CHST9: variants seen among roughly 807,000 people sequenced by gnomAD.
The protein encoded by CHST9 is GalNAc-4-sulfotransferase 2.
CHST9 carries 41 observed loss-of-function variants against 44.4 expected under a neutral mutation model. That is an observed-to-expected ratio of 0.92 (90% CI 0.72 to 1.20). The LOEUF (loss-of-function observed/expected upper bound fraction) is 1.20, where lower values mean the gene tolerates loss of function less well. CHST9 is among the 50% of genes most tolerant of loss of function. The probability of loss-of-function intolerance (pLI) is 0.00; values close to 1 mark genes in which losing one functional copy is unlikely to be tolerated. For missense variants in CHST9, 504 were observed against 516.5 expected (o/e 0.98, Z 0.23); for synonymous variants, 171 against 178.4 (o/e 0.96, Z 0.33).
At chr18:27,026,534 T>C (rs2057287088) in intron 3 of CHST9, among the ~76,000 whole-genome samples, 2 of 152,218 alleles carry the variant, frequency 1.3e-5, no homozygotes, top group South Asian at 2.1e-4. Context: ...AATAGTAATA[T>C]AGTATATAGC....
chr18:27,158,261 C>A (rs564016029), intron 1 of CHST9, among the ~76,000 whole-genome samples: 5 of 151,778 alleles, frequency 3.3e-5, no homozygotes, highest in Admixed American at 6.6e-5. Context: ...CCCTTCCCCC[C>A]ACCCCACAAC....
chr18:27,018,840 GA>G (rs1168406961), intron 4 of CHST9, among the ~76,000 whole-genome samples: 1 of 152,176 alleles, frequency 6.6e-6, no homozygotes, highest in Admixed American at 6.5e-5. Flanking sequence ...GCAGGAGAGA[GA>G]GCAGGAGAAT....
intron 2 of CHST9, among the ~76,000 whole-genome samples, chr18:27,053,909 A>G (rs1479488139): frequency 6.6e-6 from 1 of 151,428 alleles, no homozygotes; most frequent in Admixed American, 6.6e-5. Flanking sequence ...AGCTCCCCAA[A>G]CTCTCCATGC....
chr18:26,920,233 G>T (rs1157555699), intron 5 of CHST9, among the ~76,000 whole-genome samples: 3 of 152,098 alleles, frequency 2.0e-5, no homozygotes, highest in South Asian at 2.1e-4. Context: ...GACCACTCTT[G>T]TCTCACCTTC....
chr18:26,930,124 G>T (rs574863312), intron 5 of CHST9, among the ~76,000 whole-genome samples: 1 of 152,304 alleles, frequency 6.6e-6, no homozygotes, highest in South Asian at 2.1e-4. Flanking sequence ...TGACAACTCA[G>T]CTATACTTAA....
chr18:26,954,768 A>T (rs1020444501), intron 4 of CHST9, among the ~76,000 whole-genome samples: 1 of 152,020 alleles, frequency 6.6e-6, no homozygotes, highest in East Asian at 1.9e-4. Context: ...CACTTACCAC[A>T]AACTTGCAAT....
At chr18:26,949,747 A>C (rs1732794770) in intron 4 of CHST9, among the ~76,000 whole-genome samples, 1 of 152,220 alleles carries the variant, frequency 6.6e-6, no homozygotes, top group Admixed American at 6.5e-5. Context: ...GATTCAGTTA[A>C]GGATCTGTGG....
rs773831367 is a variant in CHST9, at chr18:26,944,361, T to C, written c.208A>G (p.Thr70Ala). ...YLRPVPRIMS[T>A]EKIQEHITNQ... is the part of the protein sequence containing the mutation. ...GTGATATGTTCCTGGATTTTTTCTG[T>C]ACTCACTGAAAGAGAAAGCAAAAAG... is the stretch of plus-strand genomic sequence containing the variant. Residue 70 changes from threonine (T) to alanine (A), a missense_variant, in exon 5 of 6, where the codon ACA becomes GCA. Thr to Ala is a moderately conservative substitution (Grantham distance 58). Coordinates refer to ENST00000618847, the MANE Select transcript of CHST9 (RefSeq NM_031422.6). The C allele has an allele frequency of 6.2e-7, 1 of 1,607,132 alleles. No homozygotes were observed. Among genetic ancestry groups the C allele is most frequent in the South Asian group, 1.1e-5 (1 of 90,884 alleles).
At chr18:27,132,413 C>T (rs1382085999) in intron 2 of CHST9, among the ~76,000 whole-genome samples, 1 of 152,204 alleles carries the variant, frequency 6.6e-6, no homozygotes, top group African/African-American at 2.4e-5. Context: ...CTGCACCCCA[C>T]CCCAAACCAA....
intron 2 of CHST9, among the ~76,000 whole-genome samples, chr18:27,061,186 A>G (rs2057717426): frequency 6.6e-6 from 1 of 152,168 alleles, no homozygotes. Flanking sequence ...AACACACCCC[A>G]AGGATGAAGT....
intron 4 of CHST9, among the ~76,000 whole-genome samples, chr18:26,973,825 T>G (rs2056583858): frequency 6.6e-6 from 1 of 152,162 alleles, no homozygotes; most frequent in African/African-American, 2.4e-5. Context: ...CTATTCTTCC[T>G]TTTAACCTTG....
At chr18:27,060,457 A>G (rs1401791268) in intron 2 of CHST9, among the ~76,000 whole-genome samples, 2 of 152,174 alleles carry the variant, frequency 1.3e-5, no homozygotes, top group African/African-American at 4.8e-5. Context: ...GCTCACCAGA[A>G]GGGCGGGAAG....
intron 4 of CHST9, among the ~76,000 whole-genome samples, chr18:26,968,314 A>G: frequency 6.6e-6 from 1 of 152,136 alleles, no homozygotes; most frequent in East Asian, 1.9e-4. Flanking sequence ...ACAATTTATG[A>G]GAGTTTGTTA....
At chr18:26,948,449 G>A (rs2056197174) in intron 4 of CHST9, among the ~76,000 whole-genome samples, 1 of 152,128 alleles carries the variant, frequency 6.6e-6, no homozygotes, top group African/African-American at 2.4e-5. Flanking sequence ...ACTCTGGTTG[G>A]CAACTGAAAC....
chr18:27,119,039 C>A (rs571541319), intron 2 of CHST9, among the ~76,000 whole-genome samples: 20 of 152,112 alleles, frequency 1.3e-4, no homozygotes, highest in South Asian at 6.2e-4. Flanking sequence ...GGAACCAAAA[C>A]CTATGTTTTT....
chr18:27,165,160 G>C (rs2058780315), intron 1 of CHST9, among the ~76,000 whole-genome samples: 2 of 152,108 alleles, frequency 1.3e-5, no homozygotes, highest in African/African-American at 4.8e-5. Flanking sequence ...AGATAAAACT[G>C]GCAGACAAGA....
intron 2 of CHST9, among the ~76,000 whole-genome samples, chr18:27,128,281 AT>A (rs2058442232): frequency 6.6e-6 from 1 of 152,022 alleles, no homozygotes; most frequent in African/African-American, 2.4e-5. Flanking sequence ...TTATTTATTT[AT>A]TTTTTGAGAT....
chr18:27,006,649 T>A (rs1332439334), intron 4 of CHST9, among the ~76,000 whole-genome samples: 1 of 152,226 alleles, frequency 6.6e-6, no homozygotes, highest in Non-Finnish European at 1.5e-5. Flanking sequence ...GTACTACATT[T>A]GCTTGCCTCC....
At chr18:27,014,631 A>G (rs1171494519) in intron 4 of CHST9, among the ~76,000 whole-genome samples, 1 of 152,100 alleles carries the variant, frequency 6.6e-6, no homozygotes, top group East Asian at 1.9e-4. Flanking sequence ...TTTTGAAAGC[A>G]GCGAATCAAA....
Sources: allele counts gnomAD v4.1 joint callset (sites outside exome capture counted in the v4.1 genomes callset), GRCh38; gene constraint gnomAD v4.1.1; transcripts MANE v1.5; gene names NCBI Gene and HGNC (gene_info 2026-07-23, HGNC 2026-07-21).